The following NFATC1 variants were observed in gnomAD, a reference collection of about 807,000 sequenced individuals.
The protein encoded by NFATC1 is nuclear factor of activated T-cells, cytoplasmic 1.
In NFATC1, 22 loss-of-function variants were observed where a neutral mutation model predicts 76.0. That is an observed-to-expected ratio of 0.29 (90% CI 0.21 to 0.41). The LOEUF is 0.41. Ranked by LOEUF, NFATC1 falls within the 10% of genes least tolerant of loss-of-function variation. The probability of loss-of-function intolerance (pLI) is 1.00; values close to 1 mark genes in which losing one functional copy is unlikely to be tolerated. For missense variants in NFATC1, 1,357 were observed against 1,337.7 expected, an observed-to-expected ratio of 1.01 and a Z score of -0.23; for synonymous variants, 704 against 613.1, an observed-to-expected ratio of 1.15 and a Z score of -2.19.
intron 9 of NFATC1, among the ~76,000 whole-genome samples, chr18:79,495,589 G>C (rs2089857559): frequency 6.6e-6 from 1 of 152,268 alleles, no homozygotes; most frequent in Admixed American, 6.5e-5. Context: ...ATTTCACAGA[G>C]CTTGGGCAAT....
chr18:79,487,495 C>A (rs2089542239), intron 9 of NFATC1, among the ~76,000 whole-genome samples: 1 of 152,242 alleles, frequency 6.6e-6, no homozygotes, highest in Non-Finnish European at 1.5e-5. Flanking sequence ...CTTCAGGCCC[C>A]AGGTGCAGGG....
At chr18:79,440,777 G>A (rs922268163) in intron 3 of NFATC1, among the ~76,000 whole-genome samples, 7 of 152,268 alleles carry the variant, frequency 4.6e-5, no homozygotes, top group Non-Finnish European at 7.3e-5. Flanking sequence ...CTGTGTCAGT[G>A]CCGGTTCTAA....
At chr18:79,488,995 C>T (rs1020597292) in intron 9 of NFATC1, among the ~76,000 whole-genome samples, 4 of 152,188 alleles carry the variant, frequency 2.6e-5, no homozygotes, top group Non-Finnish European at 5.9e-5. Context: ...GGGGCTGGGA[C>T]GTGTTCTGCG....
At chr18:79,518,160 G>A (rs1002855412) in intron 9 of NFATC1, among the ~76,000 whole-genome samples, 1 of 152,254 alleles carries the variant, frequency 6.6e-6, no homozygotes, top group African/African-American at 2.4e-5. Context: ...GACAGGGATG[G>A]AGCAGACTGC....
At chr18:79,407,955 C>T (rs562819033) in intron 1 of NFATC1, among the ~76,000 whole-genome samples, 24 of 151,886 alleles carry the variant, frequency 1.6e-4, no homozygotes, top group Non-Finnish European at 2.8e-4. Context: ...AGCTTCTGGT[C>T]GCACCTGTGA....
In NFATC1 at chr18:79,486,907, G is replaced by A; in HGVS notation, c.2752G>A (p.Glu918Lys). 6.2e-7 allele frequency: 1 copy of A among 1,605,580 alleles called. No individual in the cohort carries two copies. Among genetic ancestry groups the A allele is most frequent in the Non-Finnish European group, 8.5e-7 (1 of 1,175,684 alleles). ...TCCTGTAACGGTCAAGCGAGAGCCTGAAGAGTTGGACCAGTTGTACCTGGA... is the reference window on the plus strand; with the variant it reads ...TCCTGTAACGGTCAAGCGAGAGCCTAAAGAGTTGGACCAGTTGTACCTGGA... ...PIPVTVKREP[E>K]ELDQLYLDDV... Residue 918 changes from glutamate to lysine, a missense_variant, in exon 9 of 10, where the codon GAA (glutamate) becomes AAA (lysine). Physicochemically the swap from Glu to Lys is moderately conservative, Grantham distance 56. This residue lies in a region of NFATC1 where 424 missense variants were observed against 395.4 expected (regional missense o/e 1.07). Transcript: ENST00000427363.
chr18:79,441,881 G>A (rs935161014), intron 3 of NFATC1, among the ~76,000 whole-genome samples: 2 of 151,990 alleles, frequency 1.3e-5, no homozygotes, highest in African/African-American at 2.4e-5. Flanking sequence ...TAATTGATTA[G>A]ATTTAATTAA....
intron 3 of NFATC1, among the ~76,000 whole-genome samples, chr18:79,447,403 A>T (rs2087256520): frequency 6.6e-6 from 1 of 152,100 alleles, no homozygotes; most frequent in Admixed American, 6.5e-5. Context: ...CCAGGCCTGG[A>T]CTCTGCACGT....
intron 2 of NFATC1, among the ~76,000 whole-genome samples, chr18:79,424,792 ACT>A (rs541920107): frequency 0.014 from 937 of 64,756 alleles, 17 homozygotes; most frequent in African/African-American, 0.051. Flanking sequence ...TCTGTCTCTG[ACT>A]CTCTGTGTCT....
chr18:79,408,689 T>G (rs544544004), intron 1 of NFATC1, among the ~76,000 whole-genome samples: 22 of 152,358 alleles, frequency 1.4e-4, no homozygotes, highest in South Asian at 8.3e-4. Flanking sequence ...TGTTTACATA[T>G]GTAGGTCCTT....
intron 9 of NFATC1, among the ~76,000 whole-genome samples, chr18:79,513,760 G>A (rs1273454989): frequency 1.3e-5 from 2 of 152,210 alleles, no homozygotes; most frequent in Admixed American, 6.5e-5. Context: ...GTGTGCTGCC[G>A]AGCTCCAGGT....
intron 1 of NFATC1, 49 bp downstream of exon 1, chr18:79,396,400 C>G (rs1393100075): frequency 8.9e-7 from 1 of 1,125,536 alleles, no homozygotes; most frequent in Non-Finnish European, 1.1e-6. Flanking sequence ...CCCCCACGGC[C>G]CGGGCCGCGC....
intron 8 of NFATC1, 141 bp downstream of exon 8, chr18:79,467,723 C>T: frequency 3.8e-6 from 5 of 1,309,070 alleles, no homozygotes; most frequent in Non-Finnish European, 4.9e-6. Context: ...GAGACCGAGC[C>T]ATCGATGCCC....
At chr18:79,513,665 C>G (rs949598664) in intron 9 of NFATC1, among the ~76,000 whole-genome samples, 1 of 152,212 alleles carries the variant, frequency 6.6e-6, no homozygotes, top group Admixed American at 6.5e-5. Context: ...GGCGGTTTCC[C>G]TTGCAGCTAG....
At chr18:79,464,648 T>TTCTGTGTG (rs1555911903) in intron 7 of NFATC1, among the ~76,000 whole-genome samples, 3,087 of 131,262 alleles carry the variant, frequency 0.024, 216 homozygotes, top group Non-Finnish European at 0.033. Flanking sequence ...ATATATGTGT[T>TTCTGTGTG]TGTGTGTGTG....
intron 7 of NFATC1, among the ~76,000 whole-genome samples, chr18:79,461,589 C>T (rs1255664636): frequency 1.3e-5 from 2 of 152,234 alleles, no homozygotes; most frequent in African/African-American, 2.4e-5. Flanking sequence ...TGTCAGGTCA[C>T]GTCAGAGCCC....
At chr18:79,494,121 C>T (rs1442147911) in intron 9 of NFATC1, among the ~76,000 whole-genome samples, 2 of 152,246 alleles carry the variant, frequency 1.3e-5, no homozygotes, top group African/African-American at 2.4e-5. Context: ...CGTCGACTCA[C>T]GCGTTTCAGT....
chr18:79,471,980 A>G (rs574805632), intron 8 of NFATC1, among the ~76,000 whole-genome samples: 1 of 152,320 alleles, frequency 6.6e-6, no homozygotes, highest in East Asian at 1.9e-4. Flanking sequence ...TTTCTGCCTC[A>G]AGGGGTAGAA....
chr18:79,474,692 G>C (rs1466798186), intron 8 of NFATC1, among the ~76,000 whole-genome samples: 2 of 147,696 alleles, frequency 1.4e-5, no homozygotes, highest in Non-Finnish European at 3.0e-5. Context: ...CACACTCACT[G>C]TCGACGTTGT....
Sources: allele counts gnomAD v4.1 joint callset (sites outside exome capture counted in the v4.1 genomes callset), GRCh38; gene constraint gnomAD v4.1.1; regional missense constraint gnomAD v4.1.1; transcripts MANE v1.5; gene names NCBI Gene and HGNC (gene_info 2026-07-23, HGNC 2026-07-21).